The following EFHD2 variants were observed in gnomAD, a reference collection of about 807,000 sequenced individuals.
EFHD2 encodes EF-hand domain-containing protein D2.
In EFHD2, 12 loss-of-function variants were observed where a neutral mutation model predicts 20.3. The ratio of observed to expected loss-of-function variants is 0.59; its 90% CI spans 0.38 to 0.96. EFHD2 has a LOEUF of 0.96. Among genes scored for constraint, EFHD2 ranks in the 40% least tolerant of loss-of-function variants. The pLI is 0.00. For synonymous variants in EFHD2, 131 were observed against 143.9 expected, an observed-to-expected ratio of 0.91 and a Z score of 0.64; for missense variants, 250 against 334.3, an observed-to-expected ratio of 0.75 and a Z score of 1.97.
Position 15,426,906 on chromosome 1 carries a change from C to T in EFHD2, c.457-244C>T, listed in dbSNP as rs577334145. Among the ~76,000 whole-genome samples, 4 of 152,186 alleles carry T rather than the reference C, an allele frequency of 2.6e-5. No homozygotes were observed. The highest frequency in any genetic ancestry group is 2.1e-4 in the South Asian group (1 of 4,824). On this transcript the variant is annotated intron_variant, in intron 2 of 3. Coordinates refer to ENST00000375980, the MANE Select transcript of EFHD2 (RefSeq NM_024329.6). The surrounding 1 kb of genome is among the most constrained non-coding windows in gnomAD (Gnocchi z 4.6). ...CCGTGTCGTCGGGAGCTGGTGTGGG[C>T]GGGTCAGGGCTGCAGTAGGCCAGCA...
intron 3 of EFHD2, among the ~76,000 whole-genome samples, chr1:15,428,241 CCAGCA>C (rs1371212807): frequency 2.0e-5 from 3 of 152,084 alleles, no homozygotes; most frequent in Admixed American, 6.6e-5. Flanking sequence ...ACCTGTCATC[CCAGCA>C]CTTTGGGAGG....
chr1:15,428,131 T>C, intron 3 of EFHD2: 1 of 391,680 alleles, frequency 2.6e-6, no homozygotes. Context: ...CCAGAGCTGG[T>C]GAGGTCAAGC....
At chr1:15,412,537 CCTT>C (rs1487585722) in intron 1 of EFHD2, among the ~76,000 whole-genome samples, 3 of 152,284 alleles carry the variant, frequency 2.0e-5, no homozygotes, top group Non-Finnish European at 2.9e-5. Flanking sequence ...TGTTGGAAAA[CCTT>C]CTCCAACACC....
In EFHD2 at chr1:15,418,642, C is replaced by CCA. The variant is rs557732002; in HGVS notation, c.309-7228_309-7227insAC. On this transcript the variant is annotated intron_variant, in intron 1 of 3. Coordinates refer to ENST00000375980, the MANE Select transcript of EFHD2 (RefSeq NM_024329.6). ...TAGTTCCAAAGCCAAGATAGGCCCC[C>CCA]CCTTAAGTAAGCAATGAGCTTCCTG... is the stretch of plus-strand genomic sequence containing the variant. 1.4e-4 allele frequency among the ~76,000 whole-genome samples: 22 copies of CCA among 152,272 alleles called. 2 individuals are homozygous for CCA. The South Asian group carries it at 4.1e-3, about 29-fold the overall frequency.
chr1:15,410,214 C>T lies in EFHD2; in HGVS notation c.243C>T (p.Asn81=). The T allele has an allele frequency of 6.2e-7, 1 of 1,607,110 alleles. No homozygotes were observed. The highest frequency in any genetic ancestry group is 8.5e-7 in the Non-Finnish European group (1 of 1,177,454). ...AGTCGCCCAGCCGCCGCGTCTTCAA[C>T]CCCTACACCGAGTTCAAGGAGTTCT... ...EPQSPSRRVF[N]PYTEFKEFSR... is the part of the protein sequence containing the mutation. Residue 81 remains asparagine, a synonymous_variant, in exon 1 of 4, where the codon AAC becomes AAT. Coordinates refer to ENST00000375980, the MANE Select transcript of EFHD2 (RefSeq NM_024329.6).
At chr1:15,414,837 T>C (rs534663093) in intron 1 of EFHD2, among the ~76,000 whole-genome samples, 25 of 152,284 alleles carry the variant, frequency 1.6e-4, no homozygotes, top group Non-Finnish European at 1.6e-4. Context: ...ATCACCTAGT[T>C]TCAGGGAAGG....
chr1:15,418,981 C>T (rs932009372), intron 1 of EFHD2, among the ~76,000 whole-genome samples: 3 of 152,272 alleles, frequency 2.0e-5, no homozygotes, highest in Non-Finnish European at 2.9e-5. Context: ...CACCTGGCAT[C>T]GTGCCTGGCA....
rs891949891 is a variant in EFHD2 at position 15,426,882 on chromosome 1, C to A, written c.457-268C>A. ...ACAGAGGTAAGAGGTAGGCTGAGGC[C>A]GTGTCGTCGGGAGCTGGTGTGGGCG... On this transcript the variant is annotated intron_variant, in intron 2 of 3. Coordinates refer to ENST00000375980, the MANE Select transcript of EFHD2 (RefSeq NM_024329.6). This position sits in a 1 kb window ranked among gnomAD's most constrained non-coding sequence, Gnocchi z 4.6. Among the ~76,000 whole-genome samples the A allele has an allele frequency of 6.6e-6, 1 of 152,150 alleles. No homozygotes were observed. Among genetic ancestry groups the A allele is most frequent in the Non-Finnish European group, 1.5e-5 (1 of 68,012 alleles).
chr1:15,412,429 G>A (rs919812586), intron 1 of EFHD2, among the ~76,000 whole-genome samples: 1 of 152,206 alleles, frequency 6.6e-6, no homozygotes, highest in African/African-American at 2.4e-5. Flanking sequence ...AGACCACACA[G>A]CTAGAAAATG....
In EFHD2 at chr1:15,429,669, G is replaced by A. The variant is rs538682860; in HGVS notation, c.*945G>A. ...TTAAGTGTGTTTGCATGCGCCAGGC[G>A]GTGGGCAGCGGGGGCCTGTCCAGCC... On this transcript the variant is annotated 3_prime_UTR_variant, in exon 4 of 4. Coordinates refer to ENST00000375980, the MANE Select transcript of EFHD2 (RefSeq NM_024329.6). 2.6e-4 allele frequency: 39 copies of A among 152,566 alleles called. No individual in the cohort carries two copies. The highest frequency in any genetic ancestry group is 5.9e-4 in the Admixed American group (9 of 15,294). 9.5% of individuals were successfully genotyped at this position (152,566 alleles called of 1,614,324 possible). A position where few individuals can be genotyped will look rare whatever the true frequency, so the allele number is the denominator to read the frequency against.
chr1:15,410,509 C>T (rs976720077), intron 1 of EFHD2, among the ~76,000 whole-genome samples: 4 of 152,036 alleles, frequency 2.6e-5, no homozygotes, highest in Admixed American at 2.6e-4. Context: ...GCGGCGGAGA[C>T]TCGTATTTGT....
chr1:15,424,794 C>T (rs189339098), intron 1 of EFHD2, among the ~76,000 whole-genome samples: 219 of 152,300 alleles, frequency 1.4e-3, no homozygotes, highest in African/African-American at 3.9e-3. Context: ...GTACCTAGGG[C>T]AAGCTGGGGG....
intron 1 of EFHD2, among the ~76,000 whole-genome samples, chr1:15,414,818 G>T (rs1347859461): frequency 2.6e-5 from 4 of 152,196 alleles, no homozygotes; most frequent in Non-Finnish European, 5.9e-5. Context: ...AGGGAGAAAT[G>T]AATTCATTAT....
chr1:15,415,608 C>T (rs1707651839), intron 1 of EFHD2, among the ~76,000 whole-genome samples: 1 of 151,838 alleles, frequency 6.6e-6, no homozygotes, highest in Non-Finnish European at 1.5e-5. Flanking sequence ...CCTGCTTCAG[C>T]CTCCCAAGTA....
Position 15,412,857 on chromosome 1 carries a change from C to G in EFHD2, c.308+2578C>G, listed in dbSNP as rs376874136. ...TTGATGAGAGGTACTCTGAGGGCGA[C>G]TGAGGGGAGCTGGACCCCTCCAAGC... On this transcript the variant is annotated intron_variant, in intron 1 of 3. Transcript: ENST00000375980. 7.1e-4 allele frequency among the ~76,000 whole-genome samples: 108 copies of G among 152,312 alleles called. 1 individual carries two copies. In the South Asian group the frequency reaches 0.022, roughly 31 times the overall value.
At chr1:15,412,698 C>G (rs1707558156) in intron 1 of EFHD2, among the ~76,000 whole-genome samples, 1 of 152,212 alleles carries the variant, frequency 6.6e-6, no homozygotes, top group South Asian at 2.1e-4. Context: ...CTGGGAGAAC[C>G]CAGACACTTC....
At chr1:15,428,117 A>C (rs757866852) in intron 3 of EFHD2, 14 of 408,634 alleles carry the variant, frequency 3.4e-5, no homozygotes, top group Non-Finnish European at 6.5e-5. Flanking sequence ...TGCCTGACCC[A>C]GGGCCAGAGC....
At chr1:15,428,457 A>G in intron 3 of EFHD2, 136 bp from the exon 4 acceptor site, 1 of 1,144,392 alleles carries the variant, frequency 8.7e-7, no homozygotes, top group Non-Finnish European at 1.2e-6. Context: ...AGATTGCGCC[A>G]TCGCACTCCA....
In EFHD2 at chr1:15,430,142, A is replaced by G. The variant is rs1360164473; in HGVS notation, c.*1418A>G. 2.0e-5 allele frequency: 3 copies of G among 152,580 alleles called. No individual in the cohort carries two copies. Among genetic ancestry groups the G allele is most frequent in the African/African-American group, 7.2e-5 (3 of 41,446 alleles). 9.5% of individuals were successfully genotyped at this position (152,580 alleles called of 1,614,324 possible). On this transcript the variant is annotated 3_prime_UTR_variant, in exon 4 of 4. Transcript: ENST00000375980. ...ACCGAGCCCAGCGCAGCAGCCTCGG[A>G]CCCGGATTGCGTTTGCCTTAGCGGA...
Sources: gnomAD v4.1 joint callset for allele counts (sites outside exome capture counted in the v4.1 genomes callset) on GRCh38, gnomAD v4.1.1 for gene constraint, Gnocchi (gnomAD v3.1) non-coding constraint, MANE v1.5 for transcripts, NCBI Gene and HGNC (gene_info 2026-07-23, HGNC 2026-07-21) for gene names.